STAT2: variants seen among roughly 807,000 people sequenced by gnomAD.
The protein encoded by STAT2 is signal transducer and activator of transcription 2.
STAT2 carries 51 observed loss-of-function variants against 122.3 expected under a neutral mutation model. The ratio of observed to expected loss-of-function variants is 0.42; its 90% CI spans 0.33 to 0.53. The LOEUF is 0.53. STAT2 is among the 20% of genes least tolerant of loss of function. STAT2 has a pLI of 0.10. For missense variants in STAT2, 736 were observed against 1,010.3 expected (o/e 0.73, Z 3.68); for synonymous variants, 351 against 394.9 (o/e 0.89, Z 1.32).
Position 56,343,108 on chromosome 12 carries a change from C to T in STAT2, c.*281G>A, listed in dbSNP as rs2136030894. 2.9e-6 allele frequency: 1 copy of T among 344,506 alleles called. No homozygotes were observed. Among genetic ancestry groups the T allele is most frequent in the Non-Finnish European group, 5.3e-6 (1 of 189,616 alleles). The allele number at this position is 344,506 out of a possible 1,614,324, so 21.3% of individuals were successfully genotyped here. The stretch of plus-strand genomic sequence containing the variant: ...GCCCTCCAAGTACCTGTCAACTGCC[C>T]TGGCCTGCCCCCAGGACCCCTATAC... On this transcript the variant is annotated 3_prime_UTR_variant, in exon 24 of 24. Transcript: ENST00000314128.
chr12:56,357,698 G>A (rs914441170), intron 1 of STAT2, among the ~76,000 whole-genome samples: 3 of 151,178 alleles, frequency 2.0e-5, no homozygotes, highest in Admixed American at 2.0e-4. Context: ...TGCTTTAATG[G>A]GAATTTTCTT....
In STAT2 at chr12:56,350,893, G is replaced by A. The variant is rs889308916; in HGVS notation, c.1035-5C>T. On this transcript the variant is annotated splice_region_variant and splice_polypyrimidine_tract_variant and intron_variant, in intron 10 of 23. Coordinates refer to ENST00000314128, the MANE Select transcript of STAT2 (RefSeq NM_005419.4). ...TCCTGGAGTCTCACCAGCAGCCTGG[G>A]GGAAGGAAGGGGGATAGGGGAAAGT... 6.2e-7 allele frequency: 1 copy of A among 1,614,116 alleles called. No individual in the cohort carries two copies.
At chr12:56,345,445 A>T (rs902877564) in intron 22 of STAT2, among the ~76,000 whole-genome samples, 13 of 131,276 alleles carry the variant, frequency 9.9e-5, no homozygotes, top group African/African-American at 3.7e-4. Flanking sequence ...GGCTGCAGTG[A>T]GTCATGATTA....
intron 19 of STAT2, 58 bp downstream of exon 19, chr12:56,348,471 C>T: frequency 6.3e-7 from 1 of 1,576,176 alleles, no homozygotes; most frequent in Non-Finnish European, 8.7e-7. Flanking sequence ...GGTGCAGAGA[C>T]TCCACTCTCA....
chr12:56,351,015 A>G, intron 10 of STAT2, 83 bp downstream of exon 10: 2 of 1,574,420 alleles, frequency 1.3e-6, no homozygotes, highest in Non-Finnish European at 1.7e-6. Flanking sequence ...GAAAAAGCCA[A>G]GAGTGGGAAG....
intron 1 of STAT2, among the ~76,000 whole-genome samples, chr12:56,356,953 C>T (rs11575229): frequency 0.046 from 6,922 of 150,492 alleles, 223 homozygotes; most frequent in Non-Finnish European, 0.069. Context: ...TGAGCACCCA[C>T]ATGACACTCA....
intron 11 of STAT2, 36 bp downstream of exon 11, chr12:56,350,793 C>T (rs1878339494): frequency 6.2e-7 from 1 of 1,612,324 alleles, no homozygotes; most frequent in Non-Finnish European, 8.5e-7. Flanking sequence ...CCCCAGCAGC[C>T]CGTGTCCTGG....
rs928947153 is a variant in STAT2 at position 56,343,513 on chromosome 12, T to G, written c.2432A>C (p.Lys811Thr). The G allele has an allele frequency of 6.2e-7, 1 of 1,614,060 alleles. No individual in the cohort carries two copies. Among genetic ancestry groups the G allele is most frequent in the Non-Finnish European group, 8.5e-7 (1 of 1,180,000 alleles). ...EPMEIFRNCV[K>T]IEEIMPNGDP... ...ACCATTCGGCATGATTTCTTCAATC[T>G]TTACACAGTTTCTGAAGACTAGGTA... Residue 811 changes from lysine to threonine, a missense_variant, in exon 24 of 24, where the codon AAG becomes ACG. By Grantham distance (78) the Lys-to-Thr change is moderately conservative. Transcript: ENST00000314128.
chr12:56,352,147 C>T (rs1044466436), intron 8 of STAT2, among the ~76,000 whole-genome samples: 3 of 152,044 alleles, frequency 2.0e-5, no homozygotes, highest in African/African-American at 4.8e-5. Flanking sequence ...GATCCGCCCA[C>T]CTTGGCCTCC....
intron 1 of STAT2, among the ~76,000 whole-genome samples, chr12:56,358,786 C>T (rs1190981945): frequency 6.6e-6 from 1 of 152,104 alleles, no homozygotes; most frequent in African/African-American, 2.4e-5. Flanking sequence ...ATCCCAGCTA[C>T]TCAAGAGGCT....
At chr12:56,360,022 C>T (rs1880143850) in intron 1 of STAT2, 36 bp downstream of exon 1, 1 of 984,002 alleles carries the variant, frequency 1.0e-6, no homozygotes, top group South Asian at 4.7e-5. Flanking sequence ...CTCTCACCCC[C>T]ACCCCTACCC....
intron 1 of STAT2, among the ~76,000 whole-genome samples, chr12:56,359,410 T>A (rs1880029927): frequency 6.8e-6 from 1 of 146,178 alleles, no homozygotes; most frequent in Non-Finnish European, 1.6e-5. Context: ...TGAGATTCCA[T>A]CTCCAAAAAA....
Position 56,343,190 on chromosome 12 carries a change from G to A in STAT2, c.*199C>T. The stretch of plus-strand genomic sequence containing the variant: ...TATTTAGACCTATGGCTCAGCATCT[G>A]TTCTGATTCATTGTTGTCCCCTCTG... On this transcript the variant is annotated 3_prime_UTR_variant, in exon 24 of 24. Transcript: ENST00000314128. The A allele has an allele frequency of 3.0e-6, 2 of 672,452 alleles. No individual in the cohort carries two copies. Among genetic ancestry groups the A allele is most frequent in the Non-Finnish European group, 4.7e-6 (2 of 422,548 alleles). 41.7% of individuals were successfully genotyped at this position (672,452 alleles called of 1,614,324 possible).
intron 6 of STAT2, 103 bp from the exon 7 acceptor site, chr12:56,354,966 G>A: frequency 7.9e-7 from 1 of 1,266,302 alleles, no homozygotes; most frequent in Non-Finnish European, 1.1e-6. Flanking sequence ...AGGAAGAAAG[G>A]GAAACCAAGC....
Position 56,346,804 on chromosome 12 carries a change from G to C in STAT2, c.1861+15C>G. The C allele has an allele frequency of 6.2e-7, 1 of 1,614,116 alleles. No individual in the cohort carries two copies. Among genetic ancestry groups the C allele is most frequent in the Non-Finnish European group, 8.5e-7 (1 of 1,179,996 alleles). On this transcript the variant is annotated intron_variant, in intron 20 of 23. Coordinates refer to ENST00000314128, the MANE Select transcript of STAT2 (RefSeq NM_005419.4). ...AAAGGAGAGGCTGTGGGAATGGCAG[G>C]GCAGAGCAGCTGACCATCATCCTGG...
At position 56,354,592 on chromosome 12, in the gene STAT2, G is replaced by A. The variant is rs1193099859; in HGVS notation, c.656C>T (p.Ala219Val). 6.2e-7 allele frequency: 1 copy of A among 1,614,078 alleles called. No individual in the cohort carries two copies. The highest frequency in any genetic ancestry group is 8.5e-7 in the Non-Finnish European group (1 of 1,180,030). ...TAGGGTAGTTAATCGGCCTAGCAGT[G>A]CTTTGGAGGCATCCAGCACCTCCTG... ...RRKEVLDASK[A>V]LLGRLTTLIE... Residue 219 changes from alanine to valine, a missense_variant, in exon 8 of 24, where the codon GCA becomes GTA. By Grantham distance (64) the Ala-to-Val change is moderately conservative (BLOSUM62 0). Coordinates refer to ENST00000314128, the MANE Select transcript of STAT2 (RefSeq NM_005419.4).
In STAT2 at chr12:56,347,078, C is replaced by T. The variant is rs1215973911; in HGVS notation, c.1725-123G>A. 23 of 1,422,316 alleles carry T rather than the reference C, an allele frequency of 1.6e-5. No homozygotes were observed. The Middle Eastern group carries it at 7.2e-4, about 44-fold the overall frequency. 88.1% of individuals were successfully genotyped at this position (1,422,316 alleles called of 1,614,324 possible). A position where few individuals can be genotyped will look rare whatever the true frequency, so the allele number is the denominator to read the frequency against. On this transcript the variant is annotated intron_variant, in intron 19 of 23. Transcript: ENST00000314128. Reference sequence around the variant, plus strand: ...TGGAATCCAGGCTTTGGACCAAGCCCTGCCACTTAGCTTTTTTTTATCTTT... The same window carrying T: ...TGGAATCCAGGCTTTGGACCAAGCCTTGCCACTTAGCTTTTTTTTATCTTT...
intron 1 of STAT2, among the ~76,000 whole-genome samples, chr12:56,359,565 A>T (rs1217184071): frequency 6.6e-6 from 1 of 152,038 alleles, no homozygotes; most frequent in East Asian, 1.9e-4. Context: ...GGCTGAAACA[A>T]TTTTTTCTCA....
intron 22 of STAT2, among the ~76,000 whole-genome samples, chr12:56,345,404 G>A (rs1877231294): frequency 7.0e-6 from 1 of 141,970 alleles, no homozygotes; most frequent in Admixed American, 7.3e-5. Flanking sequence ...GGGAGGCTGA[G>A]GCAGGAGCAT....
Sources: gnomAD v4.1 joint callset for allele counts (sites outside exome capture counted in the v4.1 genomes callset) on GRCh38, gnomAD v4.1.1 for gene constraint, MANE v1.5 for transcripts, NCBI Gene and HGNC (gene_info 2026-07-23, HGNC 2026-07-21) for gene names.